RPH3AL: variants seen among roughly 807,000 people sequenced by gnomAD.
RPH3AL encodes the protein rabphilin 3A like (without C2 domains).
Under a neutral mutation model 43.1 loss-of-function variants are expected in RPH3AL, and 38 were observed. The observed-to-expected ratio is 0.88, with a 90% confidence interval of 0.68 to 1.15. The LOEUF (loss-of-function observed/expected upper bound fraction) is 1.15, where lower values mean the gene tolerates loss of function less well. Ranked by LOEUF, RPH3AL falls within the 50% of genes most tolerant of loss-of-function variation. The pLI is 0.00. For missense variants in RPH3AL, 462 were observed against 423.2 expected (o/e 1.09, Z -0.81); for synonymous variants, 189 against 176.3 (o/e 1.07, Z -0.57).
Position 283,323 on chromosome 17 carries a change from T to C in RPH3AL, c.352-1469A>G, listed in dbSNP as rs977343137. Among the ~76,000 whole-genome samples, 1 of 152,000 alleles carries C rather than the reference T, an allele frequency of 6.6e-6. No homozygotes were observed. Among genetic ancestry groups the C allele is most frequent in the Non-Finnish European group, 1.5e-5 (1 of 68,008 alleles). On this transcript the variant is annotated intron_variant, in intron 5 of 9. Coordinates refer to ENST00000331302, the MANE Select transcript of RPH3AL (RefSeq NM_006987.4). This position sits in a 1 kb window ranked among gnomAD's most constrained non-coding sequence, Gnocchi z 4.2. ...TGTGGAGGTCACTGGCCTGATCGGG[T>C]GGCCGAGCTCAGTGCCCCTGGGGTG...
intron 7 of RPH3AL, among the ~76,000 whole-genome samples, chr17:229,478 A>G (rs2041178294): frequency 6.6e-6 from 1 of 152,086 alleles, no homozygotes; most frequent in Non-Finnish European, 1.5e-5. Context: ...CCCAGACCCC[A>G]TCTGTCACCT....
chr17:306,152 C>T (rs369233311), intron 5 of RPH3AL, among the ~76,000 whole-genome samples: 12 of 152,040 alleles, frequency 7.9e-5, no homozygotes, highest in South Asian at 4.2e-4. Context: ...TGAGCCACTG[C>T]GCCCGACTTC....
At chr17:315,670 C>T (rs1462439682) in intron 5 of RPH3AL, among the ~76,000 whole-genome samples, 129 of 148,436 alleles carry the variant, frequency 8.7e-4, no homozygotes, top group Middle Eastern at 3.4e-3. Flanking sequence ...CTCCACTGAC[C>T]TGTAGTCCCT....
At chr17:253,650 C>G (rs533230013) in intron 6 of RPH3AL, among the ~76,000 whole-genome samples, 1 of 152,074 alleles carries the variant, frequency 6.6e-6, no homozygotes, top group Non-Finnish European at 1.5e-5. Flanking sequence ...CCTGGCCACC[C>G]CAGTCTGCTG....
intron 6 of RPH3AL, among the ~76,000 whole-genome samples, chr17:273,013 G>GTCAGGGAGAGACCCCAGCGAGGGCA (rs2042534269): frequency 9.0e-6 from 1 of 110,794 alleles, no homozygotes; most frequent in African/African-American, 3.2e-5. Context: ...CAGCGAGGGC[G>GTCAGGGAGAGACCCCAGCGAGGGCA]ACATCAGGAA....
chr17:315,626 C>T, intron 5 of RPH3AL, among the ~76,000 whole-genome samples: 2 of 150,624 alleles, frequency 1.3e-5, no homozygotes, highest in African/African-American at 2.5e-5. Flanking sequence ...TCCCTGTACT[C>T]CACCTCCACT....
Position 225,303 on chromosome 17 carries a change from C to T in RPH3AL, c.614-5567G>A, listed in dbSNP as rs2041083912. Among the ~76,000 whole-genome samples, 2 of 152,062 alleles carry T rather than the reference C, an allele frequency of 1.3e-5. No individual in the cohort carries two copies. The highest frequency in any genetic ancestry group is 2.9e-5 in the Non-Finnish European group (2 of 68,022). ...ATGGCTGTGGTCCGTGTGCCCTCTTCGTAGTACTTGAGAAATGCAAGGAAA... is the reference window on the plus strand; with the variant it reads ...ATGGCTGTGGTCCGTGTGCCCTCTTTGTAGTACTTGAGAAATGCAAGGAAA... On this transcript the variant is annotated intron_variant, in intron 7 of 9. Transcript: ENST00000331302. This position sits in a 1 kb window ranked among gnomAD's most constrained non-coding sequence, Gnocchi z 4.4.
intron 1 of RPH3AL, among the ~76,000 whole-genome samples, chr17:352,049 C>A (rs2045364258): frequency 1.3e-5 from 2 of 152,164 alleles, no homozygotes; most frequent in South Asian, 4.1e-4. Flanking sequence ...TTCAAAAATC[C>A]CCTCCTGCTC....
intron 6 of RPH3AL, among the ~76,000 whole-genome samples, chr17:263,947 G>A (rs75718297): frequency 0.018 from 2,757 of 152,260 alleles, 79 homozygotes; most frequent in East Asian, 0.15. Context: ...CACTGCAGAC[G>A]GGCAGGCAGA....
chr17:269,158 G>C (rs544678768), intron 6 of RPH3AL, among the ~76,000 whole-genome samples: 1 of 152,108 alleles, frequency 6.6e-6, no homozygotes, highest in Admixed American at 6.5e-5. Flanking sequence ...GATCACAGGC[G>C]TGAGCCACCG....
chr17:241,231 T>G (rs1273755178), intron 7 of RPH3AL, among the ~76,000 whole-genome samples: 1 of 151,506 alleles, frequency 6.6e-6, no homozygotes, highest in Non-Finnish European at 1.5e-5. Flanking sequence ...CTCTACAAAA[T>G]ATACGAATTT....
intron 6 of RPH3AL, among the ~76,000 whole-genome samples, chr17:278,407 C>T (rs1202449474): frequency 6.6e-6 from 1 of 152,178 alleles, no homozygotes; most frequent in Non-Finnish European, 1.5e-5. Context: ...CAGACTAATA[C>T]ATCTGACAAC....
rs190088141 is a variant in RPH3AL at position 262,950 on chromosome 17, A to T, written c.439-15665T>A. 8.5e-5 allele frequency among the ~76,000 whole-genome samples: 13 copies of T among 152,186 alleles called. No homozygotes were observed. In the East Asian group the frequency reaches 2.5e-3, roughly 29 times the overall value. On this transcript the variant is annotated intron_variant, in intron 6 of 9. Transcript: ENST00000331302. ...CCACGACTGGCTCTGGTGCTTCCCCACGTGGCCCTGCCCGACATGGTGGTC... is the reference window on the plus strand; with the variant it reads ...CCACGACTGGCTCTGGTGCTTCCCCTCGTGGCCCTGCCCGACATGGTGGTC...
At chr17:300,020 TCTCCCACCCA>T (rs2043284547) in intron 5 of RPH3AL, among the ~76,000 whole-genome samples, 4 of 88,694 alleles carry the variant, frequency 4.5e-5, no homozygotes, top group African/African-American at 1.6e-4. Flanking sequence ...GCCTGCAGAA[TCTCCCACCCA>T]CTCTAGAAGG....
intron 6 of RPH3AL, among the ~76,000 whole-genome samples, chr17:267,228 C>T (rs1424184599): frequency 6.6e-6 from 1 of 152,248 alleles, no homozygotes; most frequent in Admixed American, 6.5e-5. Context: ...GTGTTGTCAA[C>T]ATTTGACAGA....
chr17:235,858 A>G (rs1187970459), intron 7 of RPH3AL, among the ~76,000 whole-genome samples: 5 of 143,734 alleles, frequency 3.5e-5, no homozygotes, highest in African/African-American at 1.3e-4. Flanking sequence ...TCCCGGGTTC[A>G]AAGCTGGGGT....
intron 2 of RPH3AL, chr17:331,258 A>C: frequency 9.0e-6 from 2 of 221,252 alleles, no homozygotes; most frequent in Admixed American, 5.2e-5. Context: ...AGAGCCACAG[A>C]GCCAAATGCT....
In RPH3AL at chr17:347,135, G is replaced by A. The variant is rs2045252222; in HGVS notation, c.-213+5577C>T. Among the ~76,000 whole-genome samples the A allele has an allele frequency of 5.9e-5, 8 of 134,714 alleles. 2 individuals are homozygous for A. 88.4% of individuals were successfully genotyped at this position (134,714 alleles called of 152,430 possible). A position where few individuals can be genotyped will look rare whatever the true frequency, so the allele number is the denominator to read the frequency against. Reference sequence around the variant, plus strand: ...TAGCCAGGCATGGTGGCAGGCACCTGTAGTCCCAGCTATTCAGGAGGCTGA... The same window carrying A: ...TAGCCAGGCATGGTGGCAGGCACCTATAGTCCCAGCTATTCAGGAGGCTGA... On this transcript the variant is annotated intron_variant, in intron 1 of 9. Transcript: ENST00000331302.
chr17:349,941 C>G (rs2045320627), intron 1 of RPH3AL, among the ~76,000 whole-genome samples: 7 of 152,208 alleles, frequency 4.6e-5, no homozygotes. Flanking sequence ...ACAGGGACAG[C>G]ACACACCCAC....
Sources: allele counts gnomAD v4.1 joint callset (sites outside exome capture counted in the v4.1 genomes callset), GRCh38; gene constraint gnomAD v4.1.1; non-coding constraint Gnocchi (gnomAD v3.1); transcripts MANE v1.5; gene names NCBI Gene and HGNC (gene_info 2026-07-23, HGNC 2026-07-21).